ERBB4: variants seen among roughly 807,000 people sequenced by gnomAD.
ERBB4 encodes the protein erb-b2 receptor tyrosine kinase 4, also known as receptor tyrosine-protein kinase erbB-4.
In ERBB4, 42 loss-of-function variants were observed where a neutral mutation model predicts 158.0. The ratio of observed to expected loss-of-function variants is 0.27; its 90% CI spans 0.21 to 0.34. ERBB4 has a LOEUF of 0.34. ERBB4 is among the 10% of genes least tolerant of loss of function. The pLI, the probability that ERBB4 is intolerant of heterozygous loss-of-function variation, is 1.00. For missense variants in ERBB4, 1,333 were observed against 1,624.1 expected, an observed-to-expected ratio of 0.82 and a Z score of 3.08; for synonymous variants, 583 against 558.7, an observed-to-expected ratio of 1.04 and a Z score of -0.61.
At chr2:212,245,435 GGTAA>G (rs2084271050) in intron 1 of ERBB4, among the ~76,000 whole-genome samples, 1 of 151,962 alleles carries the variant, frequency 6.6e-6, no homozygotes, top group Non-Finnish European at 1.5e-5. Flanking sequence ...CTCCTATAAT[GGTAA>G]GTGAGTAACT....
chr2:211,793,732 C>T (rs972254033), intron 3 of ERBB4, among the ~76,000 whole-genome samples: 2 of 151,868 alleles, frequency 1.3e-5, no homozygotes, highest in Non-Finnish European at 1.5e-5. Context: ...GTATCTTTCC[C>T]AAACCCAGAC....
chr2:211,783,988 C>A (rs573768996), intron 4 of ERBB4, among the ~76,000 whole-genome samples: 2 of 152,276 alleles, frequency 1.3e-5, no homozygotes, highest in South Asian at 2.1e-4. Context: ...GACTGTGAAT[C>A]CATCTGGTCC....
rs2125319625 is a variant in ERBB4, at chr2:211,387,039, C to G, written c.3295G>C (p.Ala1099Pro). The G allele has an allele frequency of 6.2e-7, 1 of 1,614,080 alleles. No individual in the cohort carries two copies. The highest frequency in any genetic ancestry group is 8.5e-7 in the Non-Finnish European group (1 of 1,180,004). ...CAGCAGGAGTCATCAAAAATCTCAGCAGTAGCACCCTGTGCCACAGGAGCT... is the reference window on the plus strand; with the variant it reads ...CAGCAGGAGTCATCAAAAATCTCAGGAGTAGCACCCTGTGCCACAGGAGCT... ...PEAPVAQGAT[A>P]EIFDDSCCNG... Residue 1099 changes from alanine (A) to proline (P), a missense_variant, in exon 27 of 28, where the codon GCT becomes CCT. Physicochemically the swap from Ala to Pro is conservative, Grantham distance 27. Transcript: ENST00000342788.
rs149310979 is a variant in ERBB4 at position 211,494,039 on chromosome 2, G to A, written c.2488-62939C>T. Reference sequence around the variant, plus strand: ...CCCAGCCTTATTTCCCCAACATAGCGTTGCCCAGGCTGGAGTGCAGCGGTG... The same window carrying A: ...CCCAGCCTTATTTCCCCAACATAGCATTGCCCAGGCTGGAGTGCAGCGGTG... On this transcript the variant is annotated intron_variant, in intron 20 of 27. Coordinates refer to ENST00000342788, the MANE Select transcript of ERBB4 (RefSeq NM_005235.3). Among the ~76,000 whole-genome samples the A allele has an allele frequency of 2.0e-3, 307 of 152,218 alleles. 2 individuals are homozygous for A. Among genetic ancestry groups the A allele is most frequent in the Admixed American group, 0.019 (290 of 15,292 alleles).
At chr2:212,266,109 C>T (rs576428602) in intron 1 of ERBB4, among the ~76,000 whole-genome samples, 1 of 151,670 alleles carries the variant, frequency 6.6e-6, no homozygotes, top group Non-Finnish European at 1.5e-5. Flanking sequence ...TGCATGCCCC[C>T]CTCTCCTATT....
intron 1 of ERBB4, among the ~76,000 whole-genome samples, chr2:212,466,622 T>A (rs1209671116): frequency 1.3e-5 from 2 of 152,218 alleles, no homozygotes; most frequent in Admixed American, 6.5e-5. Context: ...TCCACAGCCA[T>A]GTGGAACTGT....
At chr2:211,721,709 A>G (rs1230464821) in intron 7 of ERBB4, among the ~76,000 whole-genome samples, 1 of 151,076 alleles carries the variant, frequency 6.6e-6, no homozygotes, top group Non-Finnish European at 1.5e-5. Flanking sequence ...GTTATAAATA[A>G]GGAATCAGAA....
In ERBB4 at chr2:212,073,969, C is replaced by T. The variant is rs373007445; in HGVS notation, c.234+50783G>A. On this transcript the variant is annotated intron_variant, in intron 2 of 27. Coordinates refer to ENST00000342788, the MANE Select transcript of ERBB4 (RefSeq NM_005235.3). ...TGATGCCCTGGACACTGAAAATGAT[C>T]GAGAAAGTATTCCTCACATTCTCAA... 2.6e-5 allele frequency among the ~76,000 whole-genome samples: 4 copies of T among 152,090 alleles called. No individual in the cohort carries two copies. The East Asian group carries it at 5.8e-4, about 22-fold the overall frequency.
chr2:211,654,444 G>A (rs562937256), intron 16 of ERBB4, among the ~76,000 whole-genome samples: 4 of 152,284 alleles, frequency 2.6e-5, no homozygotes, highest in African/African-American at 9.6e-5. Flanking sequence ...TTAAATTATT[G>A]TACTTAGAAG....
intron 17 of ERBB4, among the ~76,000 whole-genome samples, chr2:211,626,856 C>T (rs1481134890): frequency 1.3e-5 from 2 of 151,464 alleles, no homozygotes; most frequent in Non-Finnish European, 2.9e-5. Context: ...ACCCAGGAGG[C>T]GGAGCTTGCA....
intron 3 of ERBB4, among the ~76,000 whole-genome samples, chr2:211,927,515 G>A (rs2080048348): frequency 6.6e-6 from 1 of 151,936 alleles, no homozygotes; most frequent in Non-Finnish European, 1.5e-5. Context: ...ACAATGAGAA[G>A]GTTTCATCTG....
chr2:211,699,146 T>TAA (rs2073136584), intron 12 of ERBB4, among the ~76,000 whole-genome samples: 1 of 152,200 alleles, frequency 6.6e-6, no homozygotes, highest in Non-Finnish European at 1.5e-5. Context: ...GATAAGTGTA[T>TAA]TTGATGGTGA....
chr2:212,325,489 T>C (rs2087782148), intron 1 of ERBB4, among the ~76,000 whole-genome samples: 1 of 150,806 alleles, frequency 6.6e-6, no homozygotes, highest in Non-Finnish European at 1.5e-5. Flanking sequence ...CTGACAGTTA[T>C]AACAGAAATG....
intron 2 of ERBB4, among the ~76,000 whole-genome samples, chr2:212,072,166 T>C (rs12373751): frequency 0.63 from 95,078 of 151,824 alleles, 33,927 homozygotes; most frequent in East Asian, 0.93. Flanking sequence ...AATGGTTGAG[T>C]ACAGAAGTTA....
At chr2:212,486,283 A>G (rs1163249284) in intron 1 of ERBB4, among the ~76,000 whole-genome samples, 2 of 150,760 alleles carry the variant, frequency 1.3e-5, no homozygotes, top group Non-Finnish European at 2.9e-5. Context: ...AACATAAAAC[A>G]CATGAAGCTA....
intron 1 of ERBB4, among the ~76,000 whole-genome samples, chr2:212,169,318 G>A (rs1213384276): frequency 3.3e-5 from 5 of 151,980 alleles, no homozygotes; most frequent in Admixed American, 6.6e-5. Context: ...AATCCATATA[G>A]TATAATAATA....
At chr2:211,661,400 A>T (rs892095542) in intron 15 of ERBB4, among the ~76,000 whole-genome samples, 3 of 152,008 alleles carry the variant, frequency 2.0e-5, no homozygotes, top group East Asian at 3.9e-4. Flanking sequence ...GTAGAATTAT[A>T]AAAAAAAGTG....
At chr2:211,718,096 C>G (rs887352107) in intron 7 of ERBB4, among the ~76,000 whole-genome samples, 4 of 151,924 alleles carry the variant, frequency 2.6e-5, no homozygotes, top group African/African-American at 9.7e-5. Flanking sequence ...ATTTTTAGTA[C>G]AGATGGGGTT....
At chr2:212,425,267 T>G (rs1294724700) in intron 1 of ERBB4, among the ~76,000 whole-genome samples, 1 of 143,364 alleles carries the variant, frequency 7.0e-6, no homozygotes, top group Non-Finnish European at 1.5e-5. Flanking sequence ...ACATGTGTGA[T>G]ATATAATAAA....
Sources: allele counts gnomAD v4.1 joint callset (sites outside exome capture counted in the v4.1 genomes callset), GRCh38; gene constraint gnomAD v4.1.1; transcripts MANE v1.5; gene names NCBI Gene and HGNC (gene_info 2026-07-23, HGNC 2026-07-21).